SIPA1L2: variants seen among roughly 807,000 people sequenced by gnomAD.
SIPA1L2 encodes the protein signal-induced proliferation-associated 1-like protein 2.
SIPA1L2 carries 56 observed loss-of-function variants against 163.9 expected under a neutral mutation model. The ratio of observed to expected loss-of-function variants is 0.34; its 90% CI spans 0.28 to 0.43. The LOEUF is 0.43. Among genes scored for constraint, SIPA1L2 ranks in the 20% least tolerant of loss-of-function variants. The pLI, the probability that SIPA1L2 is intolerant of heterozygous loss-of-function variation, is 1.00. For missense variants in SIPA1L2, 1,974 were observed against 2,193.5 expected (o/e 0.90, Z 2.00); for synonymous variants, 877 against 865.7 (o/e 1.01, Z -0.23).
chr1:232,494,972 C>T (rs1031659520), intron 3 of SIPA1L2, among the ~76,000 whole-genome samples: 2 of 152,126 alleles, frequency 1.3e-5, no homozygotes, highest in Admixed American at 1.3e-4. Context: ...CATCTGCAAA[C>T]TTGAAGGAAA....
chr1:232,503,030 G>A (rs1442562114), intron 3 of SIPA1L2, among the ~76,000 whole-genome samples: 1 of 152,172 alleles, frequency 6.6e-6, no homozygotes, highest in Non-Finnish European at 1.5e-5. Context: ...AGGACAACGA[G>A]CAAGGCTTCC....
At chr1:232,430,428 G>A (rs529558895) in intron 16 of SIPA1L2, among the ~76,000 whole-genome samples, 1 of 152,334 alleles carries the variant, frequency 6.6e-6, no homozygotes, top group Non-Finnish European at 1.5e-5. Context: ...TCCACAATAT[G>A]ATTTTGAGAA....
chr1:232,622,447 A>G (rs1349687272), intron 1 of SIPA1L2, among the ~76,000 whole-genome samples: 1 of 152,244 alleles, frequency 6.6e-6, no homozygotes, highest in African/African-American at 2.4e-5. Context: ...TACAGACAGT[A>G]CTACACAATT....
intron 9 of SIPA1L2, among the ~76,000 whole-genome samples, chr1:232,464,399 G>C (rs1033757919): frequency 6.6e-6 from 1 of 152,014 alleles, no homozygotes; most frequent in East Asian, 1.9e-4. Context: ...ATTTAATCTG[G>C]CACATTAAAC....
At chr1:232,508,333 GA>G (rs1201589582) in intron 3 of SIPA1L2, among the ~76,000 whole-genome samples, 1 of 152,138 alleles carries the variant, frequency 6.6e-6, no homozygotes, top group Non-Finnish European at 1.5e-5. Context: ...GTAGGGCACA[GA>G]ACCGTTTTAG....
chr1:232,483,624 T>C (rs540676281), intron 6 of SIPA1L2, among the ~76,000 whole-genome samples, 168 bp downstream of exon 6: 1 of 152,290 alleles, frequency 6.6e-6, no homozygotes, highest in Admixed American at 6.5e-5. Flanking sequence ...TCTTGAGAAA[T>C]GTGTTTCCTT....
At chr1:232,531,322 T>C (rs184728272) in intron 2 of SIPA1L2, among the ~76,000 whole-genome samples, 3 of 152,282 alleles carry the variant, frequency 2.0e-5, no homozygotes. Context: ...AGCTTCCTTA[T>C]TGGAGTTCCC....
intron 18 of SIPA1L2, among the ~76,000 whole-genome samples, chr1:232,422,852 C>A (rs1210623351): frequency 3.3e-5 from 5 of 152,166 alleles, no homozygotes; most frequent in African/African-American, 1.2e-4. Flanking sequence ...TAGTTTTTGA[C>A]TGTCAAACTA....
At chr1:232,546,308 C>G (rs910797330) in intron 2 of SIPA1L2, among the ~76,000 whole-genome samples, 5 of 152,092 alleles carry the variant, frequency 3.3e-5, no homozygotes, top group Non-Finnish European at 5.9e-5. Context: ...GAAAGAAAAC[C>G]CTAAAAGGCC....
At chr1:232,462,162 C>T in intron 9 of SIPA1L2, 1 of 1,420,952 alleles carries the variant, frequency 7.0e-7, no homozygotes. Context: ...TACATTAAAG[C>T]ACCACTAATG....
intron 1 of SIPA1L2, among the ~76,000 whole-genome samples, chr1:232,620,708 T>C (rs1662757596): frequency 6.6e-6 from 1 of 152,236 alleles, no homozygotes; most frequent in South Asian, 2.1e-4. Context: ...AGAGCTATTC[T>C]GACTGGCAAA....
At chr1:232,582,823 GAATA>G (rs144285316) in intron 1 of SIPA1L2, among the ~76,000 whole-genome samples, 31,293 of 151,986 alleles carry the variant, frequency 0.21, 3,533 homozygotes, top group African/African-American at 0.28. Context: ...GAGCTTTTAA[GAATA>G]AATAATTAAG....
rs760458046 is a variant in SIPA1L2, at chr1:232,514,661, G to C, written c.679C>G (p.Pro227Ala). 3.1e-6 allele frequency: 5 copies of C among 1,614,092 alleles called. No individual in the cohort carries two copies. The highest frequency in any genetic ancestry group is 4.2e-6 in the Non-Finnish European group (5 of 1,180,018). The change falls in exon 3 of 23, where the codon CCT (proline) becomes GCT (alanine). Residue 227 changes from proline (P) to alanine (A), a missense_variant. Transcript: ENST00000674635. ...CGGAAAAATTCAGGGAACCCAAAAG[G>C]GACCATTGCTTTGTGGTCATAATTT... ...VENYDHKAMV[P>A]FGFPEFFRCD... is the part of the protein sequence containing the mutation.
At chr1:232,443,749 C>T (rs1223496911) in intron 11 of SIPA1L2, 64 bp from the exon 12 acceptor site, 3 of 1,298,234 alleles carry the variant, frequency 2.3e-6, no homozygotes, top group Non-Finnish European at 3.2e-6. Flanking sequence ...TTGACCTGGC[C>T]TGTTTTGTTT....
At chr1:232,441,531 G>C (rs1662895768) in intron 13 of SIPA1L2, 137 bp from the exon 14 acceptor site, 1 of 826,450 alleles carries the variant, frequency 1.2e-6, no homozygotes, top group South Asian at 1.5e-5. Flanking sequence ...CTTACCAATG[G>C]ATATGTCACA....
intron 2 of SIPA1L2, among the ~76,000 whole-genome samples, chr1:232,533,151 T>C (rs1657084755): frequency 6.6e-6 from 1 of 152,216 alleles, no homozygotes; most frequent in Non-Finnish European, 1.5e-5. Flanking sequence ...GCCACTGTCC[T>C]AGGAATCCTG....
At chr1:232,513,523 A>C (rs1667074618) in intron 3 of SIPA1L2, among the ~76,000 whole-genome samples, 1 of 152,238 alleles carries the variant, frequency 6.6e-6, no homozygotes, top group Non-Finnish European at 1.5e-5. Flanking sequence ...GGACAGAATT[A>C]ATCAGGGAAG....
chr1:232,472,257 C>G (rs1207762217), intron 7 of SIPA1L2, among the ~76,000 whole-genome samples: 1 of 152,154 alleles, frequency 6.6e-6, no homozygotes, highest in Non-Finnish European at 1.5e-5. Context: ...CTCTGTAGAT[C>G]CCATTTCATC....
At chr1:232,575,801 C>G (rs764629724) in intron 1 of SIPA1L2, among the ~76,000 whole-genome samples, 2 of 152,086 alleles carry the variant, frequency 1.3e-5, no homozygotes, top group Non-Finnish European at 2.9e-5. Context: ...ATACAGAAAA[C>G]AACATATGGG....
Sources: gnomAD v4.1 joint callset for allele counts (sites outside exome capture counted in the v4.1 genomes callset) on GRCh38, gnomAD v4.1.1 for gene constraint, MANE v1.5 for transcripts, NCBI Gene and HGNC (gene_info 2026-07-23, HGNC 2026-07-21) for gene names.